The following FHIP1A variants were observed in gnomAD, a reference collection of about 807,000 sequenced individuals.
FHIP1A encodes FHF complex subunit HOOK interacting protein 1A.
In FHIP1A, 61 loss-of-function variants were observed where a neutral mutation model predicts 88.6. The observed-to-expected ratio is 0.69, with a 90% CI of 0.56 to 0.85. The LOEUF is 0.85. Ranked by LOEUF, FHIP1A falls within the 40% of genes least tolerant of loss-of-function variation. The probability of loss-of-function intolerance (pLI) is 0.00; values close to 1 mark genes in which losing one functional copy is unlikely to be tolerated. For synonymous variants in FHIP1A, 478 were observed against 496.0 expected (o/e 0.96, Z 0.48); for missense variants, 1,154 against 1,273.5 (o/e 0.91, Z 1.43).
At chr4:151,448,627 T>A (rs552371859) in intron 1 of FHIP1A, among the ~76,000 whole-genome samples, 1 of 152,320 alleles carries the variant, frequency 6.6e-6, no homozygotes, top group African/African-American at 2.4e-5. Context: ...TGGTTTAACA[T>A]GTGTCAGAAT....
chr4:151,533,442 A>AC (rs1731956367), intron 3 of FHIP1A, among the ~76,000 whole-genome samples: 10 of 151,532 alleles, frequency 6.6e-5, no homozygotes, highest in African/African-American at 2.2e-4. Flanking sequence ...AAACAAACAA[A>AC]AAAAGGATAT....
intron 7 of FHIP1A, among the ~76,000 whole-genome samples, chr4:151,623,200 G>A (rs1042080087): frequency 2.0e-5 from 3 of 152,168 alleles, no homozygotes; most frequent in Non-Finnish European, 4.4e-5. Flanking sequence ...TGTCCTGTGG[G>A]ATTAGAATCA....
intron 8 of FHIP1A, among the ~76,000 whole-genome samples, chr4:151,630,254 G>C (rs967744391): frequency 1.3e-5 from 2 of 152,306 alleles, no homozygotes; most frequent in Non-Finnish European, 2.9e-5. Flanking sequence ...GGGTGTTAGA[G>C]ATCATATTCC....
chr4:151,593,276 G>A (rs946302065), intron 7 of FHIP1A, among the ~76,000 whole-genome samples: 35 of 152,278 alleles, frequency 2.3e-4, no homozygotes, highest in African/African-American at 6.5e-4. Context: ...GAAATTTAAA[G>A]TAGTTTTTTC....
At position 151,577,805 on chromosome 4, in the gene FHIP1A, CCACCCCCACTGTGGAGGAGAA is replaced by C; in HGVS notation, c.462_482del (p.Thr155_Lys161del). On this transcript the variant is annotated inframe_deletion, in exon 5 of 14. Coordinates refer to ENST00000435205, the MANE Select transcript of FHIP1A (RefSeq NM_001109977.3). ...TTGCTGAGCTCTTGTTCAGGAACAA[CCACCCCCACTGTGGAGGAGAA>C]GCTGGTTGTCCTACTCAATCAGCTC... is the stretch of plus-strand genomic sequence containing the variant. 2 of 1,552,034 alleles carry C rather than the reference CCACCCCCACTGTGGAGGAGAA, an allele frequency of 1.3e-6. No individual in the cohort carries two copies. Among genetic ancestry groups the C allele is most frequent in the Non-Finnish European group, 1.7e-6 (2 of 1,147,074 alleles).
chr4:151,451,576 G>A (rs1040655791), intron 1 of FHIP1A, among the ~76,000 whole-genome samples: 33 of 151,972 alleles, frequency 2.2e-4, no homozygotes, highest in African/African-American at 6.0e-4. Flanking sequence ...TTTGTGTATT[G>A]AACTATGAAA....
At chr4:151,510,561 G>A (rs1730991114) in intron 3 of FHIP1A, among the ~76,000 whole-genome samples, 1 of 152,164 alleles carries the variant, frequency 6.6e-6, no homozygotes, top group Admixed American at 6.5e-5. Flanking sequence ...TTTGATGTGT[G>A]ATTTCTACTG....
intron 3 of FHIP1A, among the ~76,000 whole-genome samples, chr4:151,518,835 A>G (rs977851998): frequency 1.3e-5 from 2 of 151,876 alleles, no homozygotes; most frequent in African/African-American, 4.8e-5. Flanking sequence ...AATTTTTTAA[A>G]ACTGTTTTTA....
At chr4:151,539,716 A>T (rs1732207447) in intron 3 of FHIP1A, among the ~76,000 whole-genome samples, 1 of 152,008 alleles carries the variant, frequency 6.6e-6, no homozygotes, top group African/African-American at 2.4e-5. Flanking sequence ...GCTATTTCCC[A>T]TGTGTGCTCA....
At chr4:151,491,013 T>C (rs1363150653) in intron 3 of FHIP1A, among the ~76,000 whole-genome samples, 2 of 151,824 alleles carry the variant, frequency 1.3e-5, no homozygotes, top group Non-Finnish European at 1.5e-5. Context: ...TGACCAAACA[T>C]AATAATTGGT....
chr4:151,598,127 G>A (rs1480853838), intron 7 of FHIP1A, among the ~76,000 whole-genome samples: 6 of 152,074 alleles, frequency 3.9e-5, no homozygotes, highest in Admixed American at 3.3e-4. Context: ...CCAAATGGCC[G>A]GCCAGTTTTG....
At chr4:151,518,572 A>C (rs916559945) in intron 3 of FHIP1A, among the ~76,000 whole-genome samples, 1 of 151,742 alleles carries the variant, frequency 6.6e-6, no homozygotes, top group Non-Finnish European at 1.5e-5. Context: ...GAAAGACCTA[A>C]CCCATCATCC....
chr4:151,527,160 G>A (rs1731702224), intron 3 of FHIP1A, among the ~76,000 whole-genome samples: 1 of 152,190 alleles, frequency 6.6e-6, no homozygotes. Context: ...CACCCTGGGA[G>A]GCCAAGGCAG....
At chr4:151,556,707 G>C (rs1306790103) in intron 3 of FHIP1A, among the ~76,000 whole-genome samples, 1 of 152,122 alleles carries the variant, frequency 6.6e-6, no homozygotes, top group African/African-American at 2.4e-5. Flanking sequence ...GATTGAAAGG[G>C]AGAGATGGAG....
intron 2 of FHIP1A, among the ~76,000 whole-genome samples, chr4:151,476,062 A>C (rs768541584): frequency 2.0e-5 from 3 of 151,168 alleles, no homozygotes; most frequent in African/African-American, 7.3e-5. Context: ...GGGTTTCACC[A>C]TGTTGGCCAG....
chr4:151,456,618 A>G (rs1728976274), intron 2 of FHIP1A, among the ~76,000 whole-genome samples: 1 of 152,198 alleles, frequency 6.6e-6, no homozygotes, highest in Non-Finnish European at 1.5e-5. Context: ...AAATCTCATA[A>G]TGAAAGTATA....
chr4:151,510,016 C>G (rs1380506081), intron 3 of FHIP1A, among the ~76,000 whole-genome samples: 2 of 152,178 alleles, frequency 1.3e-5, no homozygotes, highest in African/African-American at 4.8e-5. Context: ...TGTTCCTACT[C>G]TGGCCCTTTC....
rs58538673 is a variant in FHIP1A, at chr4:151,496,716, C to CTTTTTTTTTTTTTTTTTTTT, written c.-123+14085_-123+14086insTTTTTTTTTTTTTTTTTTTT. On this transcript the variant is annotated intron_variant, in intron 3 of 13. Coordinates refer to ENST00000435205, the MANE Select transcript of FHIP1A (RefSeq NM_001109977.3). Reference sequence around the variant, plus strand: ...CACAGGAGCATACCACCACGTCCAGCTTTTTTTTTTTTTTTTTGTATTTTT... The same window carrying CTTTTTTTTTTTTTTTTTTTT: ...CACAGGAGCATACCACCACGTCCAGCTTTTTTTTTTTTTTTTTTTTTTTTTTTTTTTTTTTTTGTATTTTT... Among the ~76,000 whole-genome samples, 468 of 102,376 alleles carry CTTTTTTTTTTTTTTTTTTTT rather than the reference C, an allele frequency of 4.6e-3. 3 individuals are homozygous for CTTTTTTTTTTTTTTTTTTTT. Among genetic ancestry groups the CTTTTTTTTTTTTTTTTTTTT allele is most frequent in the Middle Eastern group, 0.011 (2 of 176 alleles). The allele number at this position is 102,376 out of a possible 152,430, so 67.2% of individuals were successfully genotyped here. A position where few individuals can be genotyped will look rare whatever the true frequency, so the allele number is the denominator to read the frequency against.
At chr4:151,478,443 T>G (rs1025966027) in intron 2 of FHIP1A, among the ~76,000 whole-genome samples, 1 of 152,116 alleles carries the variant, frequency 6.6e-6, no homozygotes, top group Non-Finnish European at 1.5e-5. Flanking sequence ...AAAAACAAGA[T>G]TCCTTTGCCT....
Sources: allele counts gnomAD v4.1 joint callset (sites outside exome capture counted in the v4.1 genomes callset), GRCh38; gene constraint gnomAD v4.1.1; transcripts MANE v1.5; gene names NCBI Gene and HGNC (gene_info 2026-07-23, HGNC 2026-07-21).